The following WHRN variants were observed in gnomAD, a reference collection of about 807,000 sequenced individuals.
WHRN encodes the protein whirlin, also known as CASK-interacting protein CIP98.
A neutral mutation model predicts 68.3 loss-of-function variants in WHRN; 41 were observed. The observed-to-expected ratio is 0.60, with a 90% CI of 0.47 to 0.78. The LOEUF (loss-of-function observed/expected upper bound fraction) is 0.78. Among genes scored for constraint, WHRN ranks in the 30% least tolerant of loss-of-function variants. WHRN has a pLI of 0.00. For synonymous variants in WHRN, 560 were observed against 561.3 expected (o/e 1.00, Z 0.03); for missense variants, 1,243 against 1,244.7 (o/e 1.00, Z 0.02).
intron 3 of WHRN, among the ~76,000 whole-genome samples, chr9:114,449,717 G>A (rs1315905195): frequency 2.0e-5 from 3 of 152,054 alleles, no homozygotes; most frequent in Non-Finnish European, 2.9e-5. Flanking sequence ...ATCACCTTCC[G>A]GCTCCTTGGG....
chr9:114,403,404 G>A (rs1387902346), intron 10 of WHRN, 65 bp from the exon 11 acceptor site: 1 of 1,609,224 alleles, frequency 6.2e-7, no homozygotes, highest in East Asian at 2.2e-5. Flanking sequence ...AGGGGGCTGG[G>A]CCGGGCCGTG....
Position 114,478,842 on chromosome 9 carries a change from C to T in WHRN, c.619-71G>A, listed in dbSNP as rs1841877917. On this transcript the variant is annotated intron_variant, in intron 1 of 11. Transcript: ENST00000362057. Reference sequence around the variant, plus strand: ...GGTGTGGAGGAACACCCTCCCCTGGCCCAGACCTTGGTTTTTCTCAGGAGC... The same window carrying T: ...GGTGTGGAGGAACACCCTCCCCTGGTCCAGACCTTGGTTTTTCTCAGGAGC... 2.7e-6 allele frequency: 4 copies of T among 1,482,610 alleles called. No homozygotes were observed. In the South Asian group the frequency reaches 4.8e-5, roughly 18 times the overall value. The allele number at this position is 1,482,610 out of a possible 1,614,324, so 91.8% of individuals were successfully genotyped here. A position where few individuals can be genotyped will look rare whatever the true frequency, so the allele number is the denominator to read the frequency against.
At chr9:114,431,396 A>C (rs1837409883) in intron 3 of WHRN, among the ~76,000 whole-genome samples, 1 of 152,192 alleles carries the variant, frequency 6.6e-6, no homozygotes, top group African/African-American at 2.4e-5. Flanking sequence ...ATGTTGAGGG[A>C]CTTGCTCAAG....
intron 1 of WHRN, among the ~76,000 whole-genome samples, chr9:114,497,042 T>C (rs141595055): frequency 6.6e-6 from 1 of 152,348 alleles, no homozygotes; most frequent in Non-Finnish European, 1.5e-5. Context: ...GGGGAGTTTG[T>C]TAATTCCTAA....
chr9:114,438,994 C>T (rs983366505), intron 3 of WHRN, among the ~76,000 whole-genome samples: 3 of 151,894 alleles, frequency 2.0e-5, no homozygotes, highest in African/African-American at 7.3e-5. Context: ...TTCCAGGATA[C>T]GGTGAAGAAA....
rs773260450 is a variant in WHRN, at chr9:114,504,623, T to C, written c.179A>G (p.His60Arg). 1.5e-5 allele frequency: 24 copies of C among 1,609,920 alleles called. No individual in the cohort carries two copies. Among genetic ancestry groups the C allele is most frequent in the South Asian group, 1.3e-4 (12 of 90,990 alleles). The change falls in exon 1 of 12, where the codon CAC becomes CGC. Residue 60 changes from histidine to arginine, a missense_variant. Coordinates refer to ENST00000362057, the MANE Select transcript of WHRN (RefSeq NM_015404.4). ...LSEAEREQFT[H>R]CLNAYHARRN... ...GCGCGCGTGGTAAGCGTTCAGGCAG[T>C]GGGTGAACTGCTCCCGCTCCGCCTC...
chr9:114,504,092 T>A, intron 1 of WHRN, 92 bp downstream of exon 1: 1 of 1,577,914 alleles, frequency 6.3e-7, no homozygotes. Context: ...GGCCAAGTGA[T>A]TCATCTAAGG....
chr9:114,430,844 C>T (rs1031727341), intron 3 of WHRN, among the ~76,000 whole-genome samples: 3 of 152,208 alleles, frequency 2.0e-5, no homozygotes, highest in African/African-American at 4.8e-5. Flanking sequence ...TCTCTTCTTC[C>T]TCCAGAGCCT....
chr9:114,412,095 C>T (rs955305872), intron 7 of WHRN, among the ~76,000 whole-genome samples: 5 of 152,150 alleles, frequency 3.3e-5, no homozygotes, highest in African/African-American at 1.2e-4. Flanking sequence ...GTCAGGGAGG[C>T]CTGAAGTGGA....
chr9:114,491,345 C>A (rs536797306), intron 1 of WHRN, among the ~76,000 whole-genome samples: 2 of 152,052 alleles, frequency 1.3e-5, no homozygotes, highest in Admixed American at 6.6e-5. Flanking sequence ...CCTACTCGGC[C>A]GATGTCTGAA....
chr9:114,486,997 ATATATATATAT>A (rs1564218199), intron 1 of WHRN, among the ~76,000 whole-genome samples: 1 of 76,114 alleles, frequency 1.3e-5, no homozygotes, highest in African/African-American at 6.0e-5. Context: ...ATATATATAT[ATATATATATAT>A]AATATATATA....
At chr9:114,473,976 G>A (rs1841449901) in intron 2 of WHRN, among the ~76,000 whole-genome samples, 1 of 152,024 alleles carries the variant, frequency 6.6e-6, no homozygotes, top group Non-Finnish European at 1.5e-5. Flanking sequence ...CCACCCCAAA[G>A]ACCCCATGGC....
chr9:114,469,093 T>C (rs1037422815), intron 2 of WHRN, among the ~76,000 whole-genome samples: 2 of 152,130 alleles, frequency 1.3e-5, no homozygotes, highest in African/African-American at 2.4e-5. Flanking sequence ...GAGGGATGAA[T>C]GGGTCCATTT....
intron 8 of WHRN, 105 bp from the exon 9 acceptor site, chr9:114,406,997 C>T: frequency 1.5e-6 from 2 of 1,359,350 alleles, no homozygotes; most frequent in Non-Finnish European, 2.0e-6. Context: ...AATTCTGTCC[C>T]CACTCTAACT....
intron 9 of WHRN, among the ~76,000 whole-genome samples, chr9:114,405,777 T>C (rs1340984413): frequency 6.6e-6 from 1 of 152,166 alleles, no homozygotes; most frequent in Admixed American, 6.5e-5. Flanking sequence ...AACAAAATGC[T>C]CCCAACTCAC....
chr9:114,403,978 C>T lies in WHRN; in HGVS notation c.2336G>A (p.Gly779Glu). Residue 779 changes from glycine (G) to glutamate (E), a missense_variant, in exon 10 of 12, where the codon GGA becomes GAA. Physicochemically the swap from Gly to Glu is moderately conservative, Grantham distance 98. Transcript: ENST00000362057. ...GEAEASAPGRGRQSVSTKSRS... is the reference protein window; with the variant it reads ...GEAEASAPGRERQSVSTKSRS... ...GCTCTTGGTGGACACCGACTGCCTT[C>T]CTCGGCCTGGGGCGCTGGCCTCTGC... The T allele has an allele frequency of 6.2e-7, 1 of 1,609,830 alleles. No individual in the cohort carries two copies. The highest frequency in any genetic ancestry group is 8.5e-7 in the Non-Finnish European group (1 of 1,178,772).
intron 7 of WHRN, among the ~76,000 whole-genome samples, chr9:114,415,559 T>C (rs1008283005): frequency 6.6e-6 from 1 of 152,098 alleles, no homozygotes; most frequent in Non-Finnish European, 1.5e-5. Flanking sequence ...TCAACCTCTC[T>C]CCCCAAGTAC....
At position 114,504,442 on chromosome 9, in the gene WHRN, G is replaced by A. The variant is rs749635819; in HGVS notation, c.360C>T (p.Thr120=). The change falls in exon 1 of 12, where the codon ACC becomes ACT. Residue 120 remains threonine, a synonymous_variant. Transcript: ENST00000362057. ...TAEGLYLPAT[T]PYRQPAWGGP... is the part of the protein sequence containing the mutation. Reference sequence around the variant, plus strand: ...CGCCCCAGGCGGGCTGCCTGTAGGGGGTGGTGGCGGGCAGGTAGAGGCCCT... The same window carrying A: ...CGCCCCAGGCGGGCTGCCTGTAGGGAGTGGTGGCGGGCAGGTAGAGGCCCT... The A allele has an allele frequency of 2.6e-5, 42 of 1,607,214 alleles. No individual in the cohort carries two copies. Among genetic ancestry groups the A allele is most frequent in the Non-Finnish European group, 3.5e-5 (41 of 1,179,666 alleles).
chr9:114,430,553 C>T (rs1335530805), intron 3 of WHRN, among the ~76,000 whole-genome samples: 2 of 152,174 alleles, frequency 1.3e-5, no homozygotes, highest in Non-Finnish European at 2.9e-5. Flanking sequence ...AGCCTGGCAC[C>T]TGGCACTTAT....
Sources: allele counts gnomAD v4.1 joint callset (sites outside exome capture counted in the v4.1 genomes callset), GRCh38; gene constraint gnomAD v4.1.1; transcripts MANE v1.5; gene names NCBI Gene and HGNC (gene_info 2026-07-23, HGNC 2026-07-21).